CCDC60: variants seen among roughly 807,000 people sequenced by gnomAD.
CCDC60 encodes the protein coiled-coil domain-containing protein 60.
In CCDC60, 54 loss-of-function variants were observed where a neutral mutation model predicts 63.5. The observed-to-expected ratio is 0.85, with a 90% CI of 0.68 to 1.07. CCDC60 has a LOEUF of 1.07. Among genes scored for constraint, CCDC60 ranks in the 50% least tolerant of loss-of-function variants. CCDC60 has a pLI of 0.00. For synonymous variants in CCDC60, 206 were observed against 238.8 expected, an observed-to-expected ratio of 0.86 and a Z score of 1.27; for missense variants, 651 against 684.3, an observed-to-expected ratio of 0.95 and a Z score of 0.54.
intron 11 of CCDC60, 120 bp from the exon 12 acceptor site, chr12:119,528,495 C>T: frequency 8.8e-7 from 1 of 1,142,788 alleles, no homozygotes; most frequent in East Asian, 2.4e-5. Context: ...GATTAGCTGA[C>T]AGGGTTAAGA....
chr12:119,483,769 G>A (rs1389224831), intron 4 of CCDC60, among the ~76,000 whole-genome samples: 1 of 152,210 alleles, frequency 6.6e-6, no homozygotes, highest in Admixed American at 6.5e-5. Flanking sequence ...AGGGACTTCA[G>A]AAGCAGGCTT....
intron 1 of CCDC60, among the ~76,000 whole-genome samples, chr12:119,378,336 T>C (rs1263222567): frequency 1.3e-5 from 2 of 152,232 alleles, no homozygotes; most frequent in African/African-American, 4.8e-5. Flanking sequence ...CTAGCTTGCC[T>C]TTCTATGTCT....
chr12:119,375,381 T>A (rs1252310027), intron 1 of CCDC60, among the ~76,000 whole-genome samples: 1 of 152,162 alleles, frequency 6.6e-6, no homozygotes, highest in South Asian at 2.1e-4. Flanking sequence ...GAACAAAGAA[T>A]TGGGAAGCAG....
intron 7 of CCDC60, among the ~76,000 whole-genome samples, chr12:119,505,644 T>C (rs1843955625): frequency 6.6e-6 from 1 of 152,204 alleles, no homozygotes; most frequent in Non-Finnish European, 1.5e-5. Context: ...TCATTTGAGG[T>C]CAGGAGTTTG....
intron 6 of CCDC60, among the ~76,000 whole-genome samples, chr12:119,503,929 A>G (rs531744664): frequency 1.7e-4 from 26 of 152,308 alleles, no homozygotes; most frequent in Admixed American, 3.9e-4. Context: ...CAGTCTATCC[A>G]TCAAGAGCTT....
At chr12:119,356,799 T>A (rs2136159820) in intron 1 of CCDC60, among the ~76,000 whole-genome samples, 1 of 152,368 alleles carries the variant, frequency 6.6e-6, no homozygotes, top group South Asian at 2.1e-4. Flanking sequence ...CAGGACCAAT[T>A]TTGCAATGTC....
intron 1 of CCDC60, among the ~76,000 whole-genome samples, chr12:119,336,249 C>T (rs4767809): frequency 1.3e-5 from 2 of 151,288 alleles, no homozygotes; most frequent in Non-Finnish European, 2.9e-5. Flanking sequence ...TATAATAATA[C>T]AAAAAAAGGA....
In CCDC60 at chr12:119,509,402, C is replaced by T. The variant is rs549162228; in HGVS notation, c.883+4099C>T. 2.5e-4 allele frequency among the ~76,000 whole-genome samples: 38 copies of T among 152,220 alleles called. No individual in the cohort carries two copies. In the South Asian group the frequency reaches 2.7e-3, roughly 11 times the overall value. On this transcript the variant is annotated intron_variant, in intron 7 of 13. Coordinates refer to ENST00000327554, the MANE Select transcript of CCDC60 (RefSeq NM_178499.5). ...GGAGGACCACTTGAGGCCAGGAGTT[C>T]GAGATTAGCCTGGCTGACATAGCCA...
intron 2 of CCDC60, among the ~76,000 whole-genome samples, chr12:119,468,117 A>T (rs1258891363): frequency 6.6e-6 from 1 of 151,994 alleles, no homozygotes; most frequent in Non-Finnish European, 1.5e-5. Flanking sequence ...TACTAAAAAT[A>T]AAAATAAAAT....
chr12:119,433,161 G>GAGTC lies in CCDC60; in HGVS notation c.170+4402_170+4403insCAGT, dbSNP rs141603819. Among the ~76,000 whole-genome samples the GAGTC allele has an allele frequency of 2.4e-4, 9 of 38,026 alleles. No individual in the cohort carries two copies. The East Asian group carries it at 0.27, about 1,127-fold the overall frequency. 24.9% of individuals were successfully genotyped at this position (38,026 alleles called of 152,430 possible). Reference sequence around the variant, plus strand: ...ATCAGGGCTCAGTTCCCCCGACAGAGAGTTGTTAAACATTCACCAGCACAC... The same window carrying GAGTC: ...ATCAGGGCTCAGTTCCCCCGACAGAGAGTCAGTTGTTAAACATTCACCAGCACAC... On this transcript the variant is annotated intron_variant, in intron 2 of 13. Transcript: ENST00000327554.
At position 119,528,740 on chromosome 12, in the gene CCDC60, A is replaced by G. The variant is rs1952759513; in HGVS notation, c.1355A>G (p.Asp452Gly). 6.2e-7 allele frequency: 1 copy of G among 1,613,352 alleles called. No homozygotes were observed. The highest frequency in any genetic ancestry group is 1.7e-5 in the Admixed American group (1 of 59,928). The change falls in exon 12 of 14, where the codon GAC (aspartate) becomes GGC (glycine). Residue 452 changes from aspartate (D) to glycine (G), a missense_variant. By Grantham distance (94) the Asp-to-Gly change is moderately conservative (BLOSUM62 -1). Transcript: ENST00000327554. Reference protein sequence around the residue: ...VVKGDAEEIADHWYFDLLSKL... With the variant: ...VVKGDAEEIAGHWYFDLLSKL... The stretch of plus-strand genomic sequence containing the variant: ...AAAGGAGATGCAGAAGAAATTGCAG[A>G]CCACTGGTAAATATCCTAAGAACCA...
rs1368858215 is a variant in CCDC60, at chr12:119,507,614, A to ATATATT, written c.883+2312_883+2313insATATTT. 1.1e-3 allele frequency among the ~76,000 whole-genome samples: 57 copies of ATATATT among 50,496 alleles called. 4 individuals are homozygous for ATATATT. The highest frequency in any genetic ancestry group is 2.4e-3 in the East Asian group (2 of 828). 33.1% of individuals were successfully genotyped at this position (50,496 alleles called of 152,430 possible). ...TACATATATATATATATATATATAT[A>ATATATT]TTTTTTTTTTTTTTTTCTAGAAACA... On this transcript the variant is annotated intron_variant, in intron 7 of 13. Coordinates refer to ENST00000327554, the MANE Select transcript of CCDC60 (RefSeq NM_178499.5).
chr12:119,497,006 G>A (rs1951728610), intron 5 of CCDC60, among the ~76,000 whole-genome samples: 1 of 152,160 alleles, frequency 6.6e-6, no homozygotes, highest in Admixed American at 6.5e-5. Context: ...AAATCCAACA[G>A]GGAGGCTCTA....
At chr12:119,368,220 A>G (rs1955862998) in intron 1 of CCDC60, among the ~76,000 whole-genome samples, 1 of 124,440 alleles carries the variant, frequency 8.0e-6, no homozygotes, top group Non-Finnish European at 1.6e-5. Context: ...GAGGGGGAGG[A>G]AGAGGAGGAG....
chr12:119,531,952 C>T (rs182174919), intron 13 of CCDC60, among the ~76,000 whole-genome samples: 76 of 152,300 alleles, frequency 5.0e-4, no homozygotes, highest in Non-Finnish European at 9.4e-4. Flanking sequence ...GGGCCTTCAA[C>T]GCCTCCCTCC....
intron 1 of CCDC60, among the ~76,000 whole-genome samples, chr12:119,414,767 G>C (rs983834234): frequency 3.3e-5 from 5 of 151,982 alleles, no homozygotes; most frequent in Non-Finnish European, 7.4e-5. Flanking sequence ...GCCCAGGCTG[G>C]TCTCAAACGC....
intron 1 of CCDC60, among the ~76,000 whole-genome samples, chr12:119,391,769 G>A (rs1425895010): frequency 6.6e-6 from 1 of 152,184 alleles, no homozygotes; most frequent in Non-Finnish European, 1.5e-5. Context: ...GGGCTTTTCT[G>A]TATTAGGATT....
At chr12:119,523,283 G>A (rs1952579227) in intron 10 of CCDC60, among the ~76,000 whole-genome samples, 2 of 152,186 alleles carry the variant, frequency 1.3e-5, no homozygotes, top group South Asian at 4.1e-4. Flanking sequence ...TATGAGGCAG[G>A]AGGACTAACC....
chr12:119,366,159 A>G (rs530202523), intron 1 of CCDC60, among the ~76,000 whole-genome samples: 26 of 152,320 alleles, frequency 1.7e-4, no homozygotes, highest in African/African-American at 6.3e-4. Flanking sequence ...TCACCGTTTT[A>G]GAGATAAGAA....
Sources: allele counts gnomAD v4.1 joint callset (sites outside exome capture counted in the v4.1 genomes callset), GRCh38; gene constraint gnomAD v4.1.1; transcripts MANE v1.5; gene names NCBI Gene and HGNC (gene_info 2026-07-23, HGNC 2026-07-21).